Variants in RYR2 observed in about 807,000 individuals in gnomAD.
RYR2 encodes cardiac muscle ryanodine receptor-calcium release channel.
In RYR2, 227 loss-of-function variants were observed where a neutral mutation model predicts 601.1. That is an observed-to-expected ratio of 0.38 (90% CI 0.34 to 0.42). RYR2 has a LOEUF of 0.42. RYR2 is among the 10% of genes least tolerant of loss of function. RYR2 has a pLI of 1.00. For synonymous variants in RYR2, 2,223 were observed against 2,175.1 expected, an observed-to-expected ratio of 1.02 and a Z score of -0.61; for missense variants, 4,646 against 6,156.5, an observed-to-expected ratio of 0.75 and a Z score of 8.21.
intron 3 of RYR2, among the ~76,000 whole-genome samples, chr1:237,354,628 G>A (rs1699140655): frequency 6.6e-6 from 1 of 151,776 alleles, no homozygotes; most frequent in Non-Finnish European, 1.5e-5. Context: ...TGCCTTTTTT[G>A]CTTCTGTTTG....
chr1:237,208,350 G>A (rs1474814885), intron 1 of RYR2, among the ~76,000 whole-genome samples: 1 of 152,088 alleles, frequency 6.6e-6, no homozygotes, highest in Non-Finnish European at 1.5e-5. Context: ...CCTTCTGTGT[G>A]GGTTTATGTG....
intron 35 of RYR2, among the ~76,000 whole-genome samples, chr1:237,609,891 A>T (rs1052356620): frequency 2.0e-5 from 3 of 152,176 alleles, no homozygotes; most frequent in Middle Eastern, 3.4e-3. Context: ...GGGTTTTGTT[A>T]GTTTTATTCA....
intron 60 of RYR2, among the ~76,000 whole-genome samples, chr1:237,675,515 G>A (rs1188256741): frequency 1.3e-5 from 2 of 152,154 alleles, no homozygotes; most frequent in African/African-American, 2.4e-5. Flanking sequence ...CAGCCACTGC[G>A]TAGTAATACG....
At chr1:237,120,179 CA>C (rs968574070) in intron 1 of RYR2, among the ~76,000 whole-genome samples, 24 of 151,692 alleles carry the variant, frequency 1.6e-4, no homozygotes, top group African/African-American at 5.6e-4. Flanking sequence ...TTTTTTTTAT[CA>C]GGGGTTTTGA....
At chr1:237,808,500 A>T (rs790881) in intron 99 of RYR2, among the ~76,000 whole-genome samples, 28,322 of 151,768 alleles carry the variant, frequency 0.19, 3,166 homozygotes, top group East Asian at 0.5. Context: ...ATCTCTACTA[A>T]AAATACAAAA....
chr1:237,125,842 G>A (rs984403718), intron 1 of RYR2, among the ~76,000 whole-genome samples: 1 of 152,160 alleles, frequency 6.6e-6, no homozygotes, highest in Admixed American at 6.5e-5. Flanking sequence ...TTTCTGTAAT[G>A]TACAAAACTG....
intron 32 of RYR2, among the ~76,000 whole-genome samples, 188 bp downstream of exon 32, chr1:237,592,041 AC>A (rs1473292312): frequency 5.3e-5 from 8 of 152,228 alleles, no homozygotes; most frequent in African/African-American, 1.2e-4. Context: ...ATTATGCAAT[AC>A]AAGAGTTATT....
intron 1 of RYR2, among the ~76,000 whole-genome samples, chr1:237,219,010 A>ATT (rs754644450): frequency 0.31 from 38,018 of 121,582 alleles, 6,704 homozygotes; most frequent in East Asian, 0.4. Context: ...CTTATACTTG[A>ATT]TTTTTTTTTT....
At chr1:237,608,723 A>T (rs935319820) in intron 35 of RYR2, among the ~76,000 whole-genome samples, 5 of 149,784 alleles carry the variant, frequency 3.3e-5, no homozygotes, top group Admixed American at 1.3e-4. Context: ...TTAAAAAATG[A>T]TGAGAGGAGC....
At chr1:237,057,191 CTT>C (rs2148205847) in intron 1 of RYR2, among the ~76,000 whole-genome samples, 1 of 151,998 alleles carries the variant, frequency 6.6e-6, no homozygotes, top group African/African-American at 2.4e-5. Context: ...ACTGAGGAAA[CTT>C]CTTTTTTTTT....
intron 80 of RYR2, among the ~76,000 whole-genome samples, chr1:237,755,341 T>C: frequency 6.6e-6 from 1 of 152,224 alleles, no homozygotes; most frequent in East Asian, 1.9e-4. Flanking sequence ...CTACCTCTGC[T>C]GCAGCTCTTC....
chr1:237,367,999 A>T (rs557383980), intron 5 of RYR2, among the ~76,000 whole-genome samples: 29 of 152,156 alleles, frequency 1.9e-4, no homozygotes, highest in Non-Finnish European at 3.4e-4. Context: ...GTTCTTGTGT[A>T]GAGTGTAAGG....
intron 98 of RYR2, among the ~76,000 whole-genome samples, chr1:237,805,782 T>C (rs967640428): frequency 1.3e-5 from 2 of 152,072 alleles, no homozygotes; most frequent in Admixed American, 1.3e-4. Context: ...ATTTATCACT[T>C]CTTTGTGTTG....
At chr1:237,554,304 T>G (rs1670680745) in intron 27 of RYR2, among the ~76,000 whole-genome samples, 1 of 151,984 alleles carries the variant, frequency 6.6e-6, no homozygotes, top group Admixed American at 6.6e-5. Context: ...CAAGTGATTT[T>G]CAAATGTTAA....
intron 1 of RYR2, among the ~76,000 whole-genome samples, chr1:237,100,621 A>G (rs1446774477): frequency 1.3e-5 from 2 of 151,996 alleles, no homozygotes; most frequent in African/African-American, 2.4e-5. Flanking sequence ...CCTGACCCCA[A>G]GTCATCCACC....
Position 237,550,641 on chromosome 1 carries a change from G to A in RYR2, c.3164G>A (p.Arg1055His), listed in dbSNP as rs757490010. Residue 1055 changes from arginine (R) to histidine (H), a missense_variant, in exon 27 of 105, where the codon CGC becomes CAC. By Grantham distance (29) the Arg-to-His change is conservative. Coordinates refer to ENST00000366574, the MANE Select transcript of RYR2 (RefSeq NM_001035.3). ...SNKDSLREAV[R>H]TLLGYGYNLE... ...AAGGACAGCCTCCGCGAGGCTGTGCGCACGCTGCTGGGGTACGGCTACAAC... is the reference window on the plus strand; with the variant it reads ...AAGGACAGCCTCCGCGAGGCTGTGCACACGCTGCTGGGGTACGGCTACAAC... 1.3e-5 allele frequency: 21 copies of A among 1,578,884 alleles called. No homozygotes were observed. Among genetic ancestry groups the A allele is most frequent in the African/African-American group, 4.0e-5 (3 of 74,288 alleles).
chr1:237,549,926 C>A (rs1670211344), intron 26 of RYR2, among the ~76,000 whole-genome samples: 1 of 152,174 alleles, frequency 6.6e-6, no homozygotes, highest in Non-Finnish European at 1.5e-5. Flanking sequence ...CCTGTTCACT[C>A]TCTCTGTGTC....
chr1:237,703,494 T>C (rs1688125345), intron 66 of RYR2, among the ~76,000 whole-genome samples: 1 of 150,928 alleles, frequency 6.6e-6, no homozygotes, highest in Non-Finnish European at 1.5e-5. Context: ...AATAATGCTT[T>C]TGTTCATTAA....
At chr1:237,477,521 T>C (rs1661548823) in intron 17 of RYR2, among the ~76,000 whole-genome samples, 1 of 152,246 alleles carries the variant, frequency 6.6e-6, no homozygotes, top group South Asian at 2.1e-4. Flanking sequence ...AAGTTTTGGC[T>C]TTTAGGCACT....
Sources: allele counts gnomAD v4.1 joint callset (sites outside exome capture counted in the v4.1 genomes callset), GRCh38; gene constraint gnomAD v4.1.1; transcripts MANE v1.5; gene names NCBI Gene and HGNC (gene_info 2026-07-23, HGNC 2026-07-21).